PABIR3: variants seen among roughly 807,000 people sequenced by gnomAD.
PABIR3 encodes PABIR family member 1.
Under a neutral mutation model 23.1 loss-of-function variants are expected in PABIR3, and 20 were observed. The ratio of observed to expected loss-of-function variants is 0.86; its 90% CI spans 0.61 to 1.26. The LOEUF (loss-of-function observed/expected upper bound fraction) is 1.26, where lower values mean the gene tolerates loss of function less well. PABIR3 is among the 50% of genes most tolerant of loss of function. The pLI is 0.00. For synonymous variants in PABIR3, 69 were observed against 68.5 expected (o/e 1.01, Z -0.04); for missense variants, 189 against 195.4 (o/e 0.97, Z 0.20).
At chrX:134,807,166 G>C (rs2080283144), upstream of PABIR3, 8 of 782,632 alleles carry the variant, frequency 1.0e-5, no homozygotes, top group African/African-American at 2.2e-5. Flanking sequence ...GCGTCGTCCG[G>C]CTGATAGCTT....
chrX:134,803,873 C>A, upstream of PABIR3, among the ~76,000 whole-genome samples: 1 of 108,855 alleles, frequency 9.2e-6, no homozygotes, highest in Non-Finnish European at 1.9e-5. Context: ...GCCATCATTT[C>A]TAGGTTTTAT....
intron 1 of PABIR3, among the ~76,000 whole-genome samples, chrX:134,800,199 G>A (rs980053429): frequency 1.8e-5 from 2 of 108,659 alleles, no homozygotes; most frequent in East Asian, 5.8e-4. Context: ...TACTCGGGGG[G>A]CTGAGGCAGG....
chrX:134,811,773 A>G (rs918350445), intron 2 of PABIR3, among the ~76,000 whole-genome samples: 6 of 111,653 alleles, frequency 5.4e-5, no homozygotes, highest in African/African-American at 2.0e-4. Flanking sequence ...CCCAGAGCCA[A>G]ATGCAGCCCA....
At chrX:134,816,339 G>A (rs1160591028) in intron 3 of PABIR3, among the ~76,000 whole-genome samples, 1 of 111,875 alleles carries the variant, frequency 8.9e-6, no homozygotes, top group Admixed American at 9.5e-5. Context: ...TTGTCTTTTT[G>A]AGATGGAGTT....
chrX:134,827,087 A>C (rs1603217371), intron 3 of PABIR3, among the ~76,000 whole-genome samples: 1 of 111,205 alleles, frequency 9.0e-6, no homozygotes, highest in African/African-American at 3.3e-5. Flanking sequence ...CAGCCTCCTG[A>C]GTAGCTGGGG....
chrX:134,821,864 A>AT (rs1055068143), intron 3 of PABIR3: 32 of 772,677 alleles, frequency 4.1e-5, no homozygotes, highest in Non-Finnish European at 4.9e-5. Context: ...TTTTCTGAGC[A>AT]TTTTATCTCT....
intron 2 of PABIR3, chrX:134,808,057 C>T (rs1283362619): frequency 6.7e-6 from 2 of 297,720 alleles, no homozygotes; most frequent in African/African-American, 5.5e-5. Flanking sequence ...TATCCTCCCC[C>T]ACTCACCTCC....
the PABIR3 span, among the ~76,000 whole-genome samples, chrX:134,862,397 G>A: frequency 1.8e-5 from 2 of 110,997 alleles, no homozygotes; most frequent in African/African-American, 3.3e-5. Flanking sequence ...TGATCTGCCC[G>A]CCTCAGCCTC....
At chrX:134,803,229 T>C (rs2080110833), upstream of PABIR3, among the ~76,000 whole-genome samples, 1 of 111,895 alleles carries the variant, frequency 8.9e-6, no homozygotes, top group African/African-American at 3.2e-5. Flanking sequence ...TGGAGGGGGC[T>C]GCATGTGGAA....
At chrX:134,862,152 T>G in the PABIR3 span, among the ~76,000 whole-genome samples, 14 of 94,117 alleles carry the variant, frequency 1.5e-4, 1 homozygote, top group Admixed American at 1.5e-3. Flanking sequence ...GTTTTTTTTT[T>G]TTTTTTTTTT....
chrX:134,848,632 T>A (rs1246200262), intron 8 of PABIR3, among the ~76,000 whole-genome samples: 2 of 111,995 alleles, frequency 1.8e-5, no homozygotes, highest in Non-Finnish European at 3.8e-5. Context: ...ACTCTAGGAT[T>A]CAAAATCCTG....
At chrX:134,819,366 AAGTCATTTTAACTTATTGGATGATG>A (rs2081157790) in intron 3 of PABIR3, among the ~76,000 whole-genome samples, 1 of 111,921 alleles carries the variant, frequency 8.9e-6, no homozygotes, top group Non-Finnish European at 1.9e-5. Context: ...GGCAGAATTG[AAGTCATTTTAACTTATTGGATGATG>A]GGGATTTCAA....
intron 3 of PABIR3, chrX:134,822,539 A>C: frequency 1.3e-6 from 1 of 754,045 alleles, no homozygotes; most frequent in Non-Finnish European, 1.6e-6. Flanking sequence ...CTATCTTCTC[A>C]TGATTTCCTG....
chrX:134,843,918 C>CTTTTTTTT (rs1196514400), intron 4 of PABIR3, among the ~76,000 whole-genome samples: 6 of 66,032 alleles, frequency 9.1e-5, no homozygotes, highest in African/African-American at 4.1e-4. Flanking sequence ...TATGCATGTT[C>CTTTTTTTT]TTTTTTTTTT....
At chrX:134,859,518 G>A (rs2082762839), downstream of PABIR3, among the ~76,000 whole-genome samples, 1 of 111,043 alleles carries the variant, frequency 9.0e-6, no homozygotes, top group Non-Finnish European at 1.9e-5. Flanking sequence ...CCCTGACACA[G>A]CACTCACCAT....
At chrX:134,806,995 AG>A (rs1384490902), upstream of PABIR3, 1 of 149,423 alleles carries the variant, frequency 6.7e-6, no homozygotes, top group Non-Finnish European at 1.1e-5. Flanking sequence ...AAACCATGCC[AG>A]GGTTAGTAAA....
chrX:134,809,242 T>G (rs1020984816), intron 2 of PABIR3: 1 of 124,508 alleles, frequency 8.0e-6, no homozygotes, highest in African/African-American at 3.4e-5. Flanking sequence ...CTCGGCTCAC[T>G]GCAACCTCTG....
chrX:134,849,076 G>T, intron 8 of PABIR3, 91 bp from the exon 9 acceptor site: 1 of 338,162 alleles, frequency 3.0e-6, no homozygotes, highest in Non-Finnish European at 4.7e-6. Flanking sequence ...TCCCGTTTTT[G>T]TGTATGTCCT....
intron 3 of PABIR3, among the ~76,000 whole-genome samples, chrX:134,828,043 C>CTATATATATA (rs369833437): frequency 4.5e-5 from 3 of 66,618 alleles, no homozygotes; most frequent in Admixed American, 2.2e-4. Context: ...CTCTCTCTCT[C>CTATATATATA]TCTCTATATA....
Sources: gnomAD v4.1 joint callset for allele counts (sites outside exome capture counted in the v4.1 genomes callset) on GRCh38, gnomAD v4.1.1 for gene constraint, MANE v1.5 for transcripts, NCBI Gene and HGNC (gene_info 2026-07-23, HGNC 2026-07-21) for gene names.